Variants in RPS6KC1 observed in about 807,000 individuals in gnomAD.
RPS6KC1 encodes the protein inactive ribosomal protein S6 kinase delta-1.
Under a neutral mutation model 103.8 loss-of-function variants are expected in RPS6KC1, and 54 were observed. The observed-to-expected ratio is 0.52, with a 90% CI of 0.42 to 0.65. The LOEUF (loss-of-function observed/expected upper bound fraction) is 0.65. RPS6KC1 is among the 30% of genes least tolerant of loss of function. The probability of loss-of-function intolerance (pLI) is 0.00; values close to 1 mark genes in which losing one functional copy is unlikely to be tolerated. For missense variants in RPS6KC1, 1,151 were observed against 1,253.8 expected (o/e 0.92, Z 1.24); for synonymous variants, 439 against 438.7 (o/e 1.00, Z -0.01).
intron 5 of RPS6KC1, among the ~76,000 whole-genome samples, chr1:213,127,311 G>T (rs528887019): frequency 2.0e-5 from 3 of 152,264 alleles, no homozygotes; most frequent in Non-Finnish European, 2.9e-5. Flanking sequence ...TCACCAAACC[G>T]TAACAGTACT....
chr1:213,431,655 A>ATGTG, the RPS6KC1 span, among the ~76,000 whole-genome samples: 4,730 of 141,594 alleles, frequency 0.033, 84 homozygotes, highest in Middle Eastern at 0.044. Context: ...GTTTGTGTGT[A>ATGTG]TGTGTGTGTG....
the RPS6KC1 span, among the ~76,000 whole-genome samples, chr1:213,752,076 A>T: frequency 6.6e-6 from 1 of 152,198 alleles, no homozygotes; most frequent in African/African-American, 2.4e-5. Context: ...TATTATAAGT[A>T]AAAAGCTTTC....
chr1:213,656,307 G>A, the RPS6KC1 span, among the ~76,000 whole-genome samples: 20 of 152,360 alleles, frequency 1.3e-4, no homozygotes, highest in Admixed American at 5.9e-4. Context: ...CAAGGCTCGG[G>A]AGGGACAAGG....
At chr1:213,344,708 T>C in the RPS6KC1 span, among the ~76,000 whole-genome samples, 8 of 152,334 alleles carry the variant, frequency 5.3e-5, no homozygotes, top group Admixed American at 2.6e-4. Flanking sequence ...CTAATTTTTG[T>C]ATTTTTAGTA....
chr1:213,587,501 C>T, the RPS6KC1 span, among the ~76,000 whole-genome samples: 1 of 152,180 alleles, frequency 6.6e-6, no homozygotes, highest in South Asian at 2.1e-4. Context: ...TGCTATCATC[C>T]ATATCTGCAG....
chr1:213,407,634 A>G, the RPS6KC1 span, among the ~76,000 whole-genome samples: 2 of 152,234 alleles, frequency 1.3e-5, no homozygotes, highest in Non-Finnish European at 2.9e-5. Context: ...TATGGCAAAC[A>G]TACTGTGCAT....
At chr1:213,625,933 G>T in the RPS6KC1 span, among the ~76,000 whole-genome samples, 1 of 152,114 alleles carries the variant, frequency 6.6e-6, no homozygotes, top group South Asian at 2.1e-4. Flanking sequence ...ATAATCCTTT[G>T]GGTATATATC....
the RPS6KC1 span, among the ~76,000 whole-genome samples, chr1:213,608,387 C>T: frequency 4.6e-5 from 7 of 152,206 alleles, no homozygotes; most frequent in Admixed American, 3.9e-4. Context: ...CCTAAAGAGG[C>T]AGCTTCGCAG....
the RPS6KC1 span, chr1:213,818,152 A>C: frequency 1.3e-5 from 2 of 152,190 alleles, no homozygotes; most frequent in Non-Finnish European, 2.9e-5. Context: ...ATAATATTGA[A>C]TTAGGCCAGT....
the RPS6KC1 span, among the ~76,000 whole-genome samples, chr1:213,376,933 G>T: frequency 6.6e-6 from 1 of 152,184 alleles, no homozygotes; most frequent in Non-Finnish European, 1.5e-5. Flanking sequence ...AGGGCTTGTG[G>T]TCGGGGGGAC....
At chr1:213,238,432 T>C (rs2094277124) in intron 10 of RPS6KC1, among the ~76,000 whole-genome samples, 1 of 152,122 alleles carries the variant, frequency 6.6e-6, no homozygotes, top group Non-Finnish European at 1.5e-5. Flanking sequence ...GGAGTTCAAA[T>C]GCCTATGCGG....
At chr1:213,803,341 C>T in the RPS6KC1 span, among the ~76,000 whole-genome samples, 10 of 150,518 alleles carry the variant, frequency 6.6e-5, no homozygotes, top group African/African-American at 9.8e-5. Flanking sequence ...CTGCCTCCCG[C>T]GTTCAAGTGA....
chr1:213,516,176 C>G, the RPS6KC1 span, among the ~76,000 whole-genome samples: 3 of 152,288 alleles, frequency 2.0e-5, no homozygotes, highest in African/African-American at 7.2e-5. Flanking sequence ...CATCTGCAAA[C>G]AGGGACAATT....
chr1:213,175,554 A>C (rs1261321926), intron 7 of RPS6KC1, among the ~76,000 whole-genome samples: 1 of 152,206 alleles, frequency 6.6e-6, no homozygotes, highest in Non-Finnish European at 1.5e-5. Flanking sequence ...TGTCGTATGG[A>C]GGTGCCCTTA....
the RPS6KC1 span, among the ~76,000 whole-genome samples, chr1:213,539,448 C>T: frequency 1.3e-5 from 2 of 152,288 alleles, no homozygotes; most frequent in Admixed American, 1.3e-4. Flanking sequence ...TGAGCCGTTC[C>T]AGTTGGAAAG....
In RPS6KC1 at chr1:213,240,749, G is replaced by A. The variant is rs763737046; in HGVS notation, c.1273G>A (p.Glu425Lys). ...YISKFLNRSP[E>K]ESFDIKEVKK... ...CAGTAAATTTCTAAACAGAAGTCCT[G>A]AAGAAAGCTTTGACATCAAGGAAGT... The change falls in exon 11 of 15, where the codon GAA becomes AAA. Residue 425 changes from glutamate to lysine, a missense_variant. Transcript: ENST00000366960. 8 of 1,613,566 alleles carry A rather than the reference G, an allele frequency of 5.0e-6. No individual in the cohort carries two copies. The highest frequency in any genetic ancestry group is 1.7e-4 in the Middle Eastern group (1 of 6,054).
intron 6 of RPS6KC1, among the ~76,000 whole-genome samples, chr1:213,152,804 C>G (rs1202049671): frequency 1.3e-5 from 2 of 151,936 alleles, no homozygotes; most frequent in Non-Finnish European, 2.9e-5. Context: ...GATGGGCCGC[C>G]AGGCAGAGAT....
chr1:213,494,473 G>A, the RPS6KC1 span, among the ~76,000 whole-genome samples: 1 of 152,044 alleles, frequency 6.6e-6, no homozygotes, highest in Admixed American at 6.5e-5. Context: ...AATTTTAATA[G>A]CGGTACTTAG....
chr1:213,450,272 G>A, the RPS6KC1 span, among the ~76,000 whole-genome samples: 16 of 150,998 alleles, frequency 1.1e-4, no homozygotes, highest in Non-Finnish European at 2.2e-4. Context: ...CCTGGCTTGC[G>A]ATTGTATTTT....
Sources: gnomAD v4.1 joint callset for allele counts (sites outside exome capture counted in the v4.1 genomes callset) on GRCh38, gnomAD v4.1.1 for gene constraint, MANE v1.5 for transcripts, NCBI Gene and HGNC (gene_info 2026-07-23, HGNC 2026-07-21) for gene names.